Variants in GRID2 observed in about 807,000 individuals in gnomAD.
GRID2 encodes glutamate ionotropic receptor delta type subunit 2, also known as glutamate receptor ionotropic, delta-2.
Under a neutral mutation model 114.8 loss-of-function variants are expected in GRID2, and 33 were observed. The observed-to-expected ratio is 0.29, with a 90% CI of 0.22 to 0.38. The LOEUF (loss-of-function observed/expected upper bound fraction) is 0.38, where lower values mean the gene tolerates loss of function less well. GRID2 is among the 10% of genes least tolerant of loss of function. The pLI, the probability that GRID2 is intolerant of heterozygous loss-of-function variation, is 1.00. For missense variants in GRID2, 1,184 were observed against 1,257.7 expected, an observed-to-expected ratio of 0.94 and a Z score of 0.89; for synonymous variants, 505 against 449.9, an observed-to-expected ratio of 1.12 and a Z score of -1.55.
At chr4:92,400,628 T>G (rs1199917315) in intron 1 of GRID2, among the ~76,000 whole-genome samples, 1 of 152,100 alleles carries the variant, frequency 6.6e-6, no homozygotes, top group Non-Finnish European at 1.5e-5. Flanking sequence ...CACCTGGGAG[T>G]GAAATTGCTG....
chr4:92,488,910 C>T (rs1006845569), intron 1 of GRID2, among the ~76,000 whole-genome samples: 4 of 152,172 alleles, frequency 2.6e-5, no homozygotes, highest in African/African-American at 9.7e-5. Flanking sequence ...CCTCTCTGTG[C>T]TTGTCTGAAA....
At chr4:92,548,821 G>A (rs1315730874) in intron 1 of GRID2, among the ~76,000 whole-genome samples, 1 of 152,068 alleles carries the variant, frequency 6.6e-6, no homozygotes, top group Non-Finnish European at 1.5e-5. Flanking sequence ...GGTGGAAGGT[G>A]AATGGGAAGC....
chr4:92,749,712 C>G (rs188100616), intron 2 of GRID2, among the ~76,000 whole-genome samples: 4 of 152,094 alleles, frequency 2.6e-5, no homozygotes, highest in African/African-American at 9.6e-5. Flanking sequence ...TAAGGAAAAC[C>G]AGAGGAGAGA....
intron 14 of GRID2, among the ~76,000 whole-genome samples, chr4:93,763,804 G>A (rs760858236): frequency 1.3e-5 from 2 of 152,142 alleles, no homozygotes; most frequent in Non-Finnish European, 2.9e-5. Context: ...AATAATGTCT[G>A]CAACCTTTCC....
chr4:92,959,249 C>T (rs1240824552), intron 2 of GRID2, among the ~76,000 whole-genome samples: 1 of 150,882 alleles, frequency 6.6e-6, no homozygotes, highest in Non-Finnish European at 1.5e-5. Flanking sequence ...ATTTAATTTC[C>T]TCTCCTTTTC....
chr4:93,615,548 T>C (rs1325309148), intron 13 of GRID2, among the ~76,000 whole-genome samples: 3 of 151,146 alleles, frequency 2.0e-5, no homozygotes, highest in Admixed American at 1.3e-4. Context: ...CCTGGAGAAA[T>C]CAACACACTG....
At chr4:93,402,884 T>C (rs1009051538) in intron 9 of GRID2, among the ~76,000 whole-genome samples, 2 of 152,168 alleles carry the variant, frequency 1.3e-5, no homozygotes, top group African/African-American at 4.8e-5. Flanking sequence ...TCATTGTCCT[T>C]AAATTTTTTG....
chr4:92,319,792 TG>T (rs1429048892), intron 1 of GRID2, among the ~76,000 whole-genome samples: 1 of 152,042 alleles, frequency 6.6e-6, no homozygotes, highest in African/African-American at 2.4e-5. Flanking sequence ...AATTTTACAT[TG>T]TTTGTCACAT....
In GRID2 at chr4:92,893,748, A is replaced by G. The variant is rs530711339; in HGVS notation, c.245-191247A>G. ...TTAAGTAAGAATGCAGTAGCACAAG[A>G]CATCATCACCCACTCTGCTTAATTA... On this transcript the variant is annotated intron_variant, in intron 2 of 15. Transcript: ENST00000282020. Among the ~76,000 whole-genome samples, 294 of 152,288 alleles carry G rather than the reference A, an allele frequency of 1.9e-3. 4 individuals are homozygous for G. The highest frequency in any genetic ancestry group is 9.7e-3 in the South Asian group (47 of 4,826).
chr4:93,409,644 T>C (rs113207511), intron 9 of GRID2, among the ~76,000 whole-genome samples: 5 of 152,142 alleles, frequency 3.3e-5, no homozygotes, highest in Non-Finnish European at 2.9e-5. Context: ...TGTCAAAGAC[T>C]AAGAGTACCC....
intron 2 of GRID2, among the ~76,000 whole-genome samples, chr4:92,941,493 A>G (rs1355992100): frequency 2.6e-5 from 4 of 151,790 alleles, no homozygotes; most frequent in African/African-American, 9.7e-5. Context: ...TGTTCTATCA[A>G]TTTTGTTGAT....
At chr4:93,629,264 T>A (rs1672995524) in intron 14 of GRID2, among the ~76,000 whole-genome samples, 1 of 152,194 alleles carries the variant, frequency 6.6e-6, no homozygotes, top group Non-Finnish European at 1.5e-5. Context: ...TTTTCCTTTG[T>A]TTGATATGCA....
At chr4:93,636,908 G>A (rs911179552) in intron 14 of GRID2, among the ~76,000 whole-genome samples, 7 of 152,118 alleles carry the variant, frequency 4.6e-5, no homozygotes, top group African/African-American at 1.4e-4. Context: ...TCCCAGTCCA[G>A]TGTCCCATCC....
At chr4:93,585,475 A>G (rs1348365182) in intron 13 of GRID2, among the ~76,000 whole-genome samples, 1 of 152,020 alleles carries the variant, frequency 6.6e-6, no homozygotes, top group Non-Finnish European at 1.5e-5. Flanking sequence ...TTTTCCCACA[A>G]AGTGATGTGG....
rs948728962 is a variant in GRID2, at chr4:93,503,154, G to T, written c.1998-12062G>T. On this transcript the variant is annotated intron_variant, in intron 12 of 15. Transcript: ENST00000282020. ...TTCTGAATCAGTCATTGTGGAGGAC[G>T]TAGTTTGAGTATGGAGCATCCTTCT... is the stretch of plus-strand genomic sequence containing the variant. 2.6e-5 allele frequency among the ~76,000 whole-genome samples: 4 copies of T among 152,040 alleles called. No individual in the cohort carries two copies. In the South Asian group the frequency reaches 8.3e-4, roughly 32 times the overall value.
At chr4:93,486,344 AT>A (rs568446848) in intron 11 of GRID2, among the ~76,000 whole-genome samples, 4 of 150,926 alleles carry the variant, frequency 2.7e-5, no homozygotes, top group African/African-American at 9.7e-5. Context: ...CTTTTTTCTG[AT>A]TTTTTTTCTT....
At chr4:93,386,323 A>G (rs761835225) in intron 8 of GRID2, among the ~76,000 whole-genome samples, 1 of 152,186 alleles carries the variant, frequency 6.6e-6, no homozygotes, top group Non-Finnish European at 1.5e-5. Flanking sequence ...CATAATTATA[A>G]TCATATCAGG....
intron 9 of GRID2, among the ~76,000 whole-genome samples, chr4:93,407,871 C>A (rs1766689049): frequency 6.7e-6 from 1 of 150,318 alleles, no homozygotes; most frequent in South Asian, 2.1e-4. Context: ...CCTTCTCCTC[C>A]TTCTTCTTCA....
intron 2 of GRID2, among the ~76,000 whole-genome samples, chr4:92,795,881 C>G (rs1389022128): frequency 6.6e-6 from 1 of 151,886 alleles, no homozygotes; most frequent in Non-Finnish European, 1.5e-5. Flanking sequence ...CTCCAAGATC[C>G]CTATGTTGAA....
Sources: allele counts gnomAD v4.1 joint callset (sites outside exome capture counted in the v4.1 genomes callset), GRCh38; gene constraint gnomAD v4.1.1; transcripts MANE v1.5; gene names NCBI Gene and HGNC (gene_info 2026-07-23, HGNC 2026-07-21).